Variants in NXPE2 observed in about 807,000 individuals in gnomAD.
NXPE2 encodes the protein neurexophilin and PC-esterase domain family member 2, also known as NXPE family member 2.
In NXPE2, 34 loss-of-function variants were observed where a neutral mutation model predicts 34.4. That is an observed-to-expected ratio of 0.99 (90% CI 0.75 to 1.31). The LOEUF (loss-of-function observed/expected upper bound fraction) is 1.31. NXPE2 is among the 40% of genes most tolerant of loss of function. The pLI, the probability that NXPE2 is intolerant of heterozygous loss-of-function variation, is 0.00. For missense variants in NXPE2, 649 were observed against 672.5 expected, an observed-to-expected ratio of 0.97 and a Z score of 0.39; for synonymous variants, 235 against 231.3, an observed-to-expected ratio of 1.02 and a Z score of -0.15.
the NXPE2 span, chr11:114,530,039 C>T: frequency 2.3e-6 from 2 of 886,740 alleles, no homozygotes; most frequent in Admixed American, 2.6e-5. Flanking sequence ...GAGTAGAGGC[C>T]CCAAGAAGAC....
chr11:114,549,395 T>C, the NXPE2 span, among the ~76,000 whole-genome samples: 8 of 151,992 alleles, frequency 5.3e-5, no homozygotes, highest in Non-Finnish European at 7.4e-5. Flanking sequence ...TACACAAAAA[T>C]AATACATCAT....
At chr11:114,810,857 T>C in the NXPE2 span, among the ~76,000 whole-genome samples, 1 of 152,120 alleles carries the variant, frequency 6.6e-6, no homozygotes. Context: ...CAAAGGATTA[T>C]AAATCATGCT....
At chr11:114,784,682 A>G in the NXPE2 span, among the ~76,000 whole-genome samples, 1 of 152,268 alleles carries the variant, frequency 6.6e-6, no homozygotes, top group Middle Eastern at 3.4e-3. Flanking sequence ...GGGGGGAAAA[A>G]AAGCTCTCTC....
chr11:114,661,968 G>A, the NXPE2 span, among the ~76,000 whole-genome samples: 1 of 152,248 alleles, frequency 6.6e-6, no homozygotes, highest in Middle Eastern at 3.4e-3. Flanking sequence ...GGACCTGTAG[G>A]AGGTGGGGTA....
chr11:114,676,677 C>A (rs1950861559), upstream of NXPE2, among the ~76,000 whole-genome samples: 1 of 151,974 alleles, frequency 6.6e-6, no homozygotes, highest in Admixed American at 6.6e-5. Context: ...TTAGTACAGC[C>A]ATTTTGGATA....
At chr11:114,517,656 A>G in the NXPE2 span, among the ~76,000 whole-genome samples, 39 of 152,282 alleles carry the variant, frequency 2.6e-4, no homozygotes, top group African/African-American at 3.6e-4. Context: ...AATGGTTCCA[A>G]TCATGGAGCT....
chr11:114,607,900 CCA>C, the NXPE2 span, among the ~76,000 whole-genome samples: 1 of 151,880 alleles, frequency 6.6e-6, no homozygotes, highest in East Asian at 1.9e-4. Flanking sequence ...TCGTGGGTAA[CCA>C]CAGTTACCCA....
the NXPE2 span, among the ~76,000 whole-genome samples, chr11:114,495,942 C>T: frequency 6.6e-6 from 1 of 152,082 alleles, no homozygotes; most frequent in Admixed American, 6.5e-5. Flanking sequence ...GGAAATAAGT[C>T]TCTCCTGGAG....
At chr11:114,645,501 C>T in the NXPE2 span, among the ~76,000 whole-genome samples, 1 of 151,976 alleles carries the variant, frequency 6.6e-6, no homozygotes, top group African/African-American at 2.4e-5. Flanking sequence ...AAAACAAAAA[C>T]ATAAATGATA....
At chr11:114,761,676 C>T in the NXPE2 span, among the ~76,000 whole-genome samples, 1 of 150,860 alleles carries the variant, frequency 6.6e-6, no homozygotes, top group Non-Finnish European at 1.5e-5. Flanking sequence ...CGGGTTCACG[C>T]CATTCTCCTG....
the NXPE2 span, among the ~76,000 whole-genome samples, chr11:114,805,531 A>G: frequency 6.6e-6 from 1 of 152,246 alleles, no homozygotes; most frequent in African/African-American, 2.4e-5. Flanking sequence ...ATGGCATACC[A>G]GGAGATTATA....
chr11:114,812,010 T>C, the NXPE2 span, among the ~76,000 whole-genome samples: 1 of 152,200 alleles, frequency 6.6e-6, no homozygotes, highest in Non-Finnish European at 1.5e-5. Flanking sequence ...TAGCCATTAT[T>C]ATCACAAAAA....
chr11:114,729,005 G>C, the NXPE2 span, among the ~76,000 whole-genome samples: 1 of 152,092 alleles, frequency 6.6e-6, no homozygotes, highest in Middle Eastern at 3.4e-3. Flanking sequence ...TCAGGTTTGG[G>C]ATATGATTTA....
the NXPE2 span, among the ~76,000 whole-genome samples, chr11:114,498,020 G>A: frequency 6.6e-6 from 1 of 152,058 alleles, no homozygotes; most frequent in South Asian, 2.1e-4. Flanking sequence ...TGTATTGCAT[G>A]TTTCTGATTA....
the NXPE2 span, among the ~76,000 whole-genome samples, chr11:114,492,655 C>T: frequency 1.3e-5 from 2 of 152,046 alleles, no homozygotes; most frequent in Non-Finnish European, 2.9e-5. Context: ...TCTCCTGACT[C>T]AGCCTCCCAA....
At chr11:114,619,067 A>G in the NXPE2 span, among the ~76,000 whole-genome samples, 2 of 151,984 alleles carry the variant, frequency 1.3e-5, no homozygotes, top group Admixed American at 1.3e-4. Flanking sequence ...TACCTGGTGG[A>G]TAATAAGTAT....
the NXPE2 span, among the ~76,000 whole-genome samples, chr11:114,786,420 G>A: frequency 2.1e-5 from 3 of 143,546 alleles, no homozygotes; most frequent in South Asian, 2.2e-4. Context: ...AGCAAATTAG[G>A]TCTGGCAAAA....
the NXPE2 span, among the ~76,000 whole-genome samples, chr11:114,735,868 AC>A: frequency 6.6e-6 from 1 of 152,048 alleles, no homozygotes; most frequent in African/African-American, 2.4e-5. Context: ...GGCAAAATTC[AC>A]CCCCGATATT....
chr11:114,797,656 T>TTGAGA, the NXPE2 span, among the ~76,000 whole-genome samples: 2 of 152,202 alleles, frequency 1.3e-5, no homozygotes, highest in African/African-American at 4.8e-5. Context: ...GAGTTTGCTC[T>TTGAGA]TGAGATGAAA....
Sources: gnomAD v4.1 joint callset for allele counts (sites outside exome capture counted in the v4.1 genomes callset) on GRCh38, gnomAD v4.1.1 for gene constraint, MANE v1.5 for transcripts, NCBI Gene and HGNC (gene_info 2026-07-23, HGNC 2026-07-21) for gene names.